The following CCNH variants were observed in gnomAD, a reference collection of about 807,000 sequenced individuals.
CCNH encodes cyclin H.
A neutral mutation model predicts 41.9 loss-of-function variants in CCNH; 31 were observed. The observed-to-expected ratio is 0.74, with a 90% CI of 0.56 to 1.00. CCNH has a LOEUF of 1.00. Among genes scored for constraint, CCNH ranks in the 50% least tolerant of loss-of-function variants. CCNH has a pLI of 0.00. For synonymous variants in CCNH, 138 were observed against 136.1 expected (o/e 1.01, Z -0.10); for missense variants, 362 against 388.4 (o/e 0.93, Z 0.57).
intron 9 of CCNH, among the ~76,000 whole-genome samples, chr5:87,324,680 A>G (rs986879698): frequency 9.2e-5 from 14 of 152,144 alleles, no homozygotes; most frequent in African/African-American, 3.1e-4. Context: ...TATGCACTCT[A>G]GTTATCTGGT....
In CCNH at chr5:87,399,411, A is replaced by G. The variant is rs150856919; in HGVS notation, c.855T>C (p.Leu285=). ...QKLERCHSAE[L]ALNVITKKRK... is the part of the protein sequence containing the mutation. ...TAACTTACGTGATTACGTTAAGTGC[A>G]AGCTCAGCAGAATGACATCGCTCCA... The change falls in exon 7 of 9, where the codon CTT becomes CTC. Residue 285 remains leucine (L), a synonymous_variant. Coordinates refer to ENST00000256897, the MANE Select transcript of CCNH (RefSeq NM_001239.4). 6.2e-7 allele frequency: 1 copy of G among 1,612,818 alleles called. No homozygotes were observed. Among genetic ancestry groups the G allele is most frequent in the Admixed American group, 1.7e-5 (1 of 60,018 alleles).
chr5:87,359,341 A>G (rs565418920), intron 9 of CCNH, among the ~76,000 whole-genome samples: 2 of 152,140 alleles, frequency 1.3e-5, no homozygotes, highest in Admixed American at 6.5e-5. Flanking sequence ...TCTAAGAACT[A>G]TCTCTCAGGC....
chr5:87,362,616 A>G (rs1367334791), intron 9 of CCNH: 3 of 1,598,442 alleles, frequency 1.9e-6, no homozygotes, highest in Non-Finnish European at 2.6e-6. Flanking sequence ...TCCGTCGTAA[A>G]ACAAAGGATG....
chr5:87,337,512 A>G (rs1758058769), intron 9 of CCNH, among the ~76,000 whole-genome samples: 1 of 152,084 alleles, frequency 6.6e-6, no homozygotes, highest in African/African-American at 2.4e-5. Flanking sequence ...CATTTTCTGA[A>G]GTAACTCTAT....
intron 9 of CCNH, among the ~76,000 whole-genome samples, chr5:87,352,168 A>G (rs1482322316): frequency 6.6e-6 from 1 of 151,678 alleles, no homozygotes; most frequent in Non-Finnish European, 1.5e-5. Flanking sequence ...GGCTTGTGTT[A>G]AATGCTGCTT....
chr5:87,404,096 C>T (rs941191660), intron 5 of CCNH, among the ~76,000 whole-genome samples: 12 of 152,102 alleles, frequency 7.9e-5, no homozygotes, highest in Admixed American at 6.5e-4. Flanking sequence ...AGATGTGTTG[C>T]GAAATTCTTA....
chr5:87,409,182 A>G, intron 3 of CCNH, 108 bp downstream of exon 3: 1 of 570,782 alleles, frequency 1.8e-6, no homozygotes, highest in South Asian at 2.9e-5. Context: ...TGTATTAGGA[A>G]GTCAGTTCTC....
rs538102459 is a variant in CCNH at position 87,330,980 on chromosome 5, C to G, written c.*91-12083G>C. ...AAGTCATGGTTCCTCAGTATAAGATCGAGGTAGTAAATTAATCATTTCCAT... is the reference window on the plus strand; with the variant it reads ...AAGTCATGGTTCCTCAGTATAAGATGGAGGTAGTAAATTAATCATTTCCAT... On this transcript the variant is annotated intron_variant and NMD_transcript_variant, in intron 9 of 9. Coordinates refer to the CCNH transcript ENST00000645953. 4.6e-5 allele frequency: 66 copies of G among 1,431,770 alleles called. No individual in the cohort carries two copies. In the African/African-American group the frequency reaches 8.8e-4, roughly 19 times the overall value. 88.7% of individuals were successfully genotyped at this position (1,431,770 alleles called of 1,614,324 possible). A position where few individuals can be genotyped will look rare whatever the true frequency, so the allele number is the denominator to read the frequency against.
downstream of CCNH, among the ~76,000 whole-genome samples, chr5:87,316,895 T>TA (rs1422355019): frequency 1.3e-5 from 2 of 152,110 alleles, no homozygotes; most frequent in African/African-American, 4.8e-5. Context: ...ATTTTTTTTT[T>TA]TTTTGGAGAA....
exon 1 of CCNH, chr5:87,376,797 TGA>T: frequency 2.2e-6 from 3 of 1,391,986 alleles, no homozygotes; most frequent in Non-Finnish European, 3.0e-6. Context: ...TAAGAACTTG[TGA>T]AAGAACATAT....
At chr5:87,396,147 G>C (rs1762942077) in intron 7 of CCNH, among the ~76,000 whole-genome samples, 2 of 143,764 alleles carry the variant, frequency 1.4e-5, no homozygotes, top group Non-Finnish European at 3.1e-5. Context: ...ATTGTATTTA[G>C]GTATTATAAG....
chr5:87,396,379 TGGG>T (rs1346137756), intron 7 of CCNH, among the ~76,000 whole-genome samples: 1 of 152,138 alleles, frequency 6.6e-6, no homozygotes, highest in Non-Finnish European at 1.5e-5. Flanking sequence ...CCCAGCACTT[TGGG>T]AGGCTGAGGC....
In CCNH at chr5:87,409,629, CGTGT is replaced by C. The variant is rs71610500; in HGVS notation, c.241-270_241-267del. 9.8e-3 allele frequency among the ~76,000 whole-genome samples: 1,436 copies of C among 146,048 alleles called. 21 individuals carry two copies. Among genetic ancestry groups the C allele is most frequent in the African/African-American group, 0.03 (1,195 of 39,632 alleles). Reference sequence around the variant, plus strand: ...CCTATGGTCACTGGATTTAAAAATACGTGTGTGTGTGTGTGTGTGTGTGTGTGTG... The same window carrying C: ...CCTATGGTCACTGGATTTAAAAATACGTGTGTGTGTGTGTGTGTGTGTGTG... On this transcript the variant is annotated intron_variant, in intron 2 of 8. Coordinates refer to ENST00000256897, the MANE Select transcript of CCNH (RefSeq NM_001239.4).
At chr5:87,392,135 A>G, downstream of CCNH, 7 of 402,172 alleles carry the variant, frequency 1.7e-5, no homozygotes, top group South Asian at 1.2e-4. Context: ...GGACATATGG[A>G]ACATACGTGG....
rs1169472709 is a variant in CCNH, at chr5:87,338,524, TATATATATAAAA to T, written c.*91-19639_*91-19628del. Among the ~76,000 whole-genome samples, 85 of 99,748 alleles carry T rather than the reference TATATATATAAAA, an allele frequency of 8.5e-4. 3 individuals carry two copies. Among genetic ancestry groups the T allele is most frequent in the South Asian group, 2.4e-3 (7 of 2,930 alleles). 65.4% of individuals were successfully genotyped at this position (99,748 alleles called of 152,430 possible). A position where few individuals can be genotyped will look rare whatever the true frequency, so the allele number is the denominator to read the frequency against. On this transcript the variant is annotated intron_variant and NMD_transcript_variant, in intron 9 of 9. Coordinates refer to the CCNH transcript ENST00000645953. ...TTTTATATATATATATATATATATA[TATATATATAAAA>T]TTTTTTTTTTTTTTAAGTAGAAATG... is the stretch of plus-strand genomic sequence containing the variant.
At chr5:87,375,084 A>G (rs981052308), downstream of CCNH, among the ~76,000 whole-genome samples, 4 of 152,176 alleles carry the variant, frequency 2.6e-5, no homozygotes, top group Admixed American at 6.6e-5. Flanking sequence ...AAGAAAGAAT[A>G]TACCTAAGAT....
downstream of CCNH, among the ~76,000 whole-genome samples, chr5:87,373,918 G>A (rs1261106212): frequency 6.6e-6 from 1 of 151,686 alleles, no homozygotes; most frequent in African/African-American, 2.4e-5. Context: ...GAATATACTG[G>A]GAGAAATAAC....
At chr5:87,364,153 A>G (rs1760328146) in intron 9 of CCNH, among the ~76,000 whole-genome samples, 1 of 152,028 alleles carries the variant, frequency 6.6e-6, no homozygotes, top group Non-Finnish European at 1.5e-5. Context: ...ACCTATTGTT[A>G]TGATTAGTAA....
chr5:87,353,287 T>C (rs111468092), intron 9 of CCNH: 1 of 1,395,804 alleles, frequency 7.2e-7, no homozygotes. Flanking sequence ...TTAAAATGCA[T>C]TTTGGTGGTA....
Sources: allele counts gnomAD v4.1 joint callset (sites outside exome capture counted in the v4.1 genomes callset), GRCh38; gene constraint gnomAD v4.1.1; transcripts MANE v1.5; gene names NCBI Gene and HGNC (gene_info 2026-07-23, HGNC 2026-07-21).